SLC44A5: variants seen among roughly 807,000 people sequenced by gnomAD.
The protein encoded by SLC44A5 is solute carrier family 44 member 5.
In SLC44A5, 57 loss-of-function variants were observed where a neutral mutation model predicts 101.8. The ratio of observed to expected loss-of-function variants is 0.56; its 90% CI spans 0.45 to 0.70. The LOEUF (loss-of-function observed/expected upper bound fraction) is 0.70, where lower values mean the gene tolerates loss of function less well. Among genes scored for constraint, SLC44A5 ranks in the 30% least tolerant of loss-of-function variants. The pLI is 0.00. For synonymous variants in SLC44A5, 281 were observed against 290.9 expected (o/e 0.97, Z 0.35); for missense variants, 737 against 853.1 (o/e 0.86, Z 1.70).
chr1:75,396,786 C>A, intron 2 of SLC44A5, 165 bp from the exon 3 acceptor site: 9 of 584,418 alleles, frequency 1.5e-5, no homozygotes, highest in Admixed American at 2.8e-5. Flanking sequence ...CACAAAGCTG[C>A]CAATAATGAG....
chr1:75,505,405 T>C (rs769730689), intron 2 of SLC44A5, among the ~76,000 whole-genome samples: 6 of 152,120 alleles, frequency 3.9e-5, no homozygotes, highest in Non-Finnish European at 8.8e-5. Flanking sequence ...TGTAGTTCCG[T>C]TTTAAGTTCT....
chr1:75,385,470 A>C (rs1354249876), intron 3 of SLC44A5, among the ~76,000 whole-genome samples: 1 of 152,164 alleles, frequency 6.6e-6, no homozygotes, highest in Non-Finnish European at 1.5e-5. Flanking sequence ...GAAATGGATA[A>C]ATTCCTCGAC....
intron 14 of SLC44A5, 76 bp downstream of exon 14, chr1:75,222,285 G>C: frequency 9.2e-7 from 1 of 1,089,448 alleles, no homozygotes; most frequent in East Asian, 2.4e-5. Flanking sequence ...AAATAGGTGA[G>C]ATATTTATGC....
the SLC44A5 span, among the ~76,000 whole-genome samples, chr1:75,678,190 C>T: frequency 3.3e-5 from 5 of 152,234 alleles, no homozygotes; most frequent in African/African-American, 9.6e-5. Flanking sequence ...GGGGGAGGGG[C>T]GCCCACCAAT....
chr1:75,308,113 G>A (rs756821213), intron 4 of SLC44A5, among the ~76,000 whole-genome samples: 9 of 152,080 alleles, frequency 5.9e-5, no homozygotes, highest in Non-Finnish European at 4.4e-5. Context: ...ATTTTAAACT[G>A]TTGTTTAAAA....
intron 3 of SLC44A5, among the ~76,000 whole-genome samples, chr1:75,369,618 A>G (rs1285399095): frequency 6.6e-6 from 1 of 152,148 alleles, no homozygotes; most frequent in Admixed American, 6.5e-5. Flanking sequence ...CTCCAAATAG[A>G]GGTTGATTCT....
In SLC44A5 at chr1:75,227,416, G is replaced by A. The variant is rs541557566; in HGVS notation, c.985+310C>T. On this transcript the variant is annotated intron_variant, in intron 13 of 23. Transcript: ENST00000370859. ...ATAAATAAAAAGTTTGAAAAATCAA[G>A]CATTTGTTTCTTTTTAAACATCTTT... 6.8e-4 allele frequency among the ~76,000 whole-genome samples: 103 copies of A among 152,088 alleles called. 1 individual carries two copies. Among genetic ancestry groups the A allele is most frequent in the African/African-American group, 2.3e-3 (96 of 41,484 alleles).
At chr1:75,262,741 G>T (rs1039985083) in intron 6 of SLC44A5, among the ~76,000 whole-genome samples, 1 of 152,028 alleles carries the variant, frequency 6.6e-6, no homozygotes, top group Non-Finnish European at 1.5e-5. Flanking sequence ...ATACTACAAG[G>T]CTACAGTAAT....
At chr1:75,552,502 C>T (rs986598751) in intron 1 of SLC44A5, among the ~76,000 whole-genome samples, 1 of 151,792 alleles carries the variant, frequency 6.6e-6, no homozygotes, top group Non-Finnish European at 1.5e-5. Context: ...AATTTGAAAA[C>T]AGACTCTCAT....
In SLC44A5 at chr1:75,222,260, G is replaced by C. The variant is rs929913757; in HGVS notation, c.1085+101C>G. ...TGTGAACCACCGCGCCCAGCAAAAA[G>C]TGTTCTTAAAAGGAAAATAGGTGAG... On this transcript the variant is annotated intron_variant, in intron 14 of 23. Transcript: ENST00000370859. 7 of 909,982 alleles carry C rather than the reference G, an allele frequency of 7.7e-6. No homozygotes were observed. In the African/African-American group the frequency reaches 9.9e-5, roughly 13 times the overall value. The allele number at this position is 909,982 out of a possible 1,614,324, so 56.4% of individuals were successfully genotyped here. A position where few individuals can be genotyped will look rare whatever the true frequency, so the allele number is the denominator to read the frequency against.
chr1:75,515,307 C>T (rs1669769527), intron 2 of SLC44A5, among the ~76,000 whole-genome samples: 1 of 151,952 alleles, frequency 6.6e-6, no homozygotes. Flanking sequence ...TTACTCTTAG[C>T]AATTTTGAAA....
the SLC44A5 span, among the ~76,000 whole-genome samples, chr1:75,619,135 C>T: frequency 5.5e-5 from 7 of 127,286 alleles, no homozygotes; most frequent in African/African-American, 9.1e-5. Flanking sequence ...GAAGGGAGAG[C>T]GGGAAGGAGG....
Position 75,251,568 on chromosome 1 carries a change from A to G in SLC44A5, c.261-274T>C, listed in dbSNP as rs148285407. On this transcript the variant is annotated intron_variant, in intron 6 of 23. Coordinates refer to ENST00000370859, the MANE Select transcript of SLC44A5 (RefSeq NM_001130058.2). ...AGAACATTACATTGCCATTGAAAAT[A>G]ATGCTAAAGAACTAATTTAATGGAT... Among the ~76,000 whole-genome samples the G allele has an allele frequency of 4.0e-3, 607 of 152,282 alleles. 7 individuals carry two copies. The highest frequency in any genetic ancestry group is 0.014 in the African/African-American group (571 of 41,558).
chr1:75,457,331 C>A (rs1024322262), intron 2 of SLC44A5, among the ~76,000 whole-genome samples: 3 of 152,078 alleles, frequency 2.0e-5, no homozygotes, highest in Non-Finnish European at 4.4e-5. Flanking sequence ...GTATTGCAAT[C>A]ACAGAAGATG....
chr1:75,342,111 G>A (rs1188920116), intron 3 of SLC44A5, among the ~76,000 whole-genome samples: 2 of 152,304 alleles, frequency 1.3e-5, no homozygotes, highest in African/African-American at 4.8e-5. Context: ...ATCATGATGT[G>A]TATGAGTTTT....
chr1:75,547,520 G>C (rs550047892), intron 1 of SLC44A5, among the ~76,000 whole-genome samples: 2 of 152,268 alleles, frequency 1.3e-5, no homozygotes, highest in East Asian at 3.9e-4. Flanking sequence ...AGGTGTAAGT[G>C]GTCCAGTCAA....
At chr1:75,678,983 G>A in the SLC44A5 span, among the ~76,000 whole-genome samples, 1,930 of 152,258 alleles carry the variant, frequency 0.013, 21 homozygotes, top group African/African-American at 0.03. Context: ...CTCAGGAGCC[G>A]ATGCTATCAA....
At chr1:75,576,309 C>A (rs1257578031) in intron 1 of SLC44A5, among the ~76,000 whole-genome samples, 2 of 151,386 alleles carry the variant, frequency 1.3e-5, no homozygotes, top group African/African-American at 4.9e-5. Context: ...TATAAATGTT[C>A]CTTTTTTTTT....
rs573397233 is a variant in SLC44A5, at chr1:75,215,860, A to G, written c.1625-3T>C. On this transcript the variant is annotated splice_region_variant and splice_polypyrimidine_tract_variant and intron_variant, in intron 18 of 23. Coordinates refer to ENST00000370859, the MANE Select transcript of SLC44A5 (RefSeq NM_001130058.2). ...TTTAGACAATGTGTTCTGGGTACCT[A>G]TGAGAAGGAGATATTTAAATCTATT... The G allele has an allele frequency of 2.0e-6, 3 of 1,479,624 alleles. No homozygotes were observed. The highest frequency in any genetic ancestry group is 1.4e-5 in the African/African-American group (1 of 72,158). 91.7% of individuals were successfully genotyped at this position (1,479,624 alleles called of 1,614,324 possible). A position where few individuals can be genotyped will look rare whatever the true frequency, so the allele number is the denominator to read the frequency against.
Sources: gnomAD v4.1 joint callset for allele counts (sites outside exome capture counted in the v4.1 genomes callset) on GRCh38, gnomAD v4.1.1 for gene constraint, MANE v1.5 for transcripts, NCBI Gene and HGNC (gene_info 2026-07-23, HGNC 2026-07-21) for gene names.